The following PELI2 variants were observed in gnomAD, a reference collection of about 807,000 sequenced individuals.
PELI2 encodes pellino E3 ubiquitin protein ligase family member 2.
Under a neutral mutation model 42.3 loss-of-function variants are expected in PELI2, and 23 were observed. That is an observed-to-expected ratio of 0.54 (90% CI 0.39 to 0.77). PELI2 has a LOEUF of 0.77. Among genes scored for constraint, PELI2 ranks in the 30% least tolerant of loss-of-function variants. PELI2 has a pLI of 0.00. For missense variants in PELI2, 463 were observed against 553.2 expected, an observed-to-expected ratio of 0.84 and a Z score of 1.64; for synonymous variants, 245 against 212.2, an observed-to-expected ratio of 1.15 and a Z score of -1.34.
intron 2 of PELI2, among the ~76,000 whole-genome samples, chr14:56,203,295 G>A (rs886265215): frequency 6.6e-6 from 1 of 152,042 alleles, no homozygotes; most frequent in Non-Finnish European, 1.5e-5. Flanking sequence ...AGCCAAAATC[G>A]CACCACCTCA....
intron 2 of PELI2, among the ~76,000 whole-genome samples, chr14:56,224,585 T>G (rs1026318512): frequency 1.3e-5 from 2 of 152,234 alleles, no homozygotes; most frequent in African/African-American, 4.8e-5. Flanking sequence ...TTCTCTCCTT[T>G]TAGAAACTGA....
At chr14:56,276,088 A>G (rs907467164) in intron 2 of PELI2, among the ~76,000 whole-genome samples, 2 of 152,180 alleles carry the variant, frequency 1.3e-5, no homozygotes, top group African/African-American at 4.8e-5. Context: ...TTTAAATGTT[A>G]AAAAATATTG....
At chr14:56,137,842 T>C (rs965922502) in intron 1 of PELI2, among the ~76,000 whole-genome samples, 6 of 152,230 alleles carry the variant, frequency 3.9e-5, no homozygotes, top group African/African-American at 7.2e-5. Context: ...GCTTGGATCA[T>C]TCTCGTAGAG....
At chr14:56,145,999 T>G (rs1432790652) in intron 1 of PELI2, among the ~76,000 whole-genome samples, 2 of 152,324 alleles carry the variant, frequency 1.3e-5, no homozygotes, top group Non-Finnish European at 2.9e-5. Flanking sequence ...ATAAAGTCAT[T>G]GAAATCCAAA....
At chr14:56,285,963 T>G (rs1889631772) in intron 3 of PELI2, among the ~76,000 whole-genome samples, 1 of 152,128 alleles carries the variant, frequency 6.6e-6, no homozygotes, top group South Asian at 2.1e-4. Flanking sequence ...AGCATACAAA[T>G]TGAGAGGAAA....
intron 2 of PELI2, among the ~76,000 whole-genome samples, chr14:56,204,441 A>G (rs1226357126): frequency 1.3e-5 from 2 of 152,158 alleles, no homozygotes; most frequent in Non-Finnish European, 2.9e-5. Context: ...ACTTGAAGAA[A>G]TGGAAGGATA....
chr14:56,285,679 C>T (rs184631062), intron 3 of PELI2, among the ~76,000 whole-genome samples: 15 of 152,072 alleles, frequency 9.9e-5, no homozygotes, highest in Admixed American at 3.9e-4. Context: ...TCTTAGCATG[C>T]GTGGTTTCAG....
intron 5 of PELI2, among the ~76,000 whole-genome samples, chr14:56,293,723 G>T (rs996495635): frequency 3.3e-5 from 5 of 152,128 alleles, no homozygotes; most frequent in Admixed American, 3.3e-4. Flanking sequence ...TCATGAGAAG[G>T]TACCGAAGGT....
Position 56,279,740 on chromosome 14 carries a change from T to C in PELI2, c.272T>C (p.Val91Ala). The C allele has an allele frequency of 6.2e-7, 1 of 1,601,220 alleles. No individual in the cohort carries two copies. Among genetic ancestry groups the C allele is most frequent in the East Asian group, 2.2e-5 (1 of 44,712 alleles). ...TTGTCAAGGAATCAGACTGTGGTGGTGGAGTACACACATGATAAGGATACG... is the reference window on the plus strand; with the variant it reads ...TTGTCAAGGAATCAGACTGTGGTGGCGGAGTACACACATGATAAGGATACG... ...YTLSRNQTVV[V>A]EYTHDKDTDM... The change falls in exon 3 of 6, where the codon GTG becomes GCG. Residue 91 changes from valine (V) to alanine (A), a missense_variant. Coordinates refer to ENST00000267460, the MANE Select transcript of PELI2 (RefSeq NM_021255.3).
chr14:56,269,063 G>A (rs978916432), intron 2 of PELI2, among the ~76,000 whole-genome samples: 1 of 152,146 alleles, frequency 6.6e-6, no homozygotes, highest in Non-Finnish European at 1.5e-5. Flanking sequence ...ATATAGATAT[G>A]TGACTGAGTC....
At chr14:56,148,294 A>C (rs1466796200) in intron 1 of PELI2, among the ~76,000 whole-genome samples, 1 of 152,124 alleles carries the variant, frequency 6.6e-6, no homozygotes, top group East Asian at 1.9e-4. Flanking sequence ...CACAGTGCTA[A>C]CCACAGAGAT....
intron 2 of PELI2, among the ~76,000 whole-genome samples, chr14:56,193,714 A>G (rs1886032578): frequency 6.6e-6 from 1 of 152,234 alleles, no homozygotes; most frequent in Admixed American, 6.5e-5. Context: ...AAATTTTATC[A>G]AGTTTCTGAC....
chr14:56,138,879 G>A (rs919876792), intron 1 of PELI2, among the ~76,000 whole-genome samples: 2 of 152,182 alleles, frequency 1.3e-5, no homozygotes, highest in Non-Finnish European at 2.9e-5. Flanking sequence ...CTCCTGTGTT[G>A]TTGATTTGTT....
At chr14:56,170,765 A>G (rs1885137182) in intron 1 of PELI2, among the ~76,000 whole-genome samples, 1 of 152,260 alleles carries the variant, frequency 6.6e-6, no homozygotes, top group Non-Finnish European at 1.5e-5. Context: ...AGTTTCTTAC[A>G]CAGCATTTTC....
chr14:56,283,263 T>C (rs764222869), intron 3 of PELI2, among the ~76,000 whole-genome samples: 2 of 152,234 alleles, frequency 1.3e-5, no homozygotes, highest in Non-Finnish European at 2.9e-5. Flanking sequence ...AACTTCTGAG[T>C]ACTTTATGCA....
chr14:56,205,058 G>A (rs1478783459), intron 2 of PELI2, among the ~76,000 whole-genome samples: 7 of 151,504 alleles, frequency 4.6e-5, no homozygotes, highest in South Asian at 2.1e-4. Context: ...GAAAGAAAGT[G>A]CTTTAAAACC....
At chr14:56,151,266 G>A (rs746737253) in intron 1 of PELI2, among the ~76,000 whole-genome samples, 1 of 152,114 alleles carries the variant, frequency 6.6e-6, no homozygotes, top group Admixed American at 6.6e-5. Flanking sequence ...CATTTACCTG[G>A]TGAATTTTTA....
intron 1 of PELI2, among the ~76,000 whole-genome samples, chr14:56,161,403 T>C (rs1364866105): frequency 6.6e-6 from 1 of 152,002 alleles, no homozygotes; most frequent in Non-Finnish European, 1.5e-5. Context: ...ACCTCCCAAG[T>C]AGCTGGGACT....
chr14:56,187,033 C>G (rs1885791784), intron 2 of PELI2, among the ~76,000 whole-genome samples: 1 of 152,146 alleles, frequency 6.6e-6, no homozygotes, highest in Non-Finnish European at 1.5e-5. Context: ...TTTATTCAAA[C>G]TGACTGCTCA....
Sources: gnomAD v4.1 joint callset for allele counts (sites outside exome capture counted in the v4.1 genomes callset) on GRCh38, gnomAD v4.1.1 for gene constraint, MANE v1.5 for transcripts, NCBI Gene and HGNC (gene_info 2026-07-23, HGNC 2026-07-21) for gene names.